The following PDE5A variants were observed in gnomAD, a reference collection of about 807,000 sequenced individuals.
PDE5A encodes the protein phosphodiesterase 5A, also known as cGMP-specific 3',5'-cyclic phosphodiesterase.
In PDE5A, 67 loss-of-function variants were observed where a neutral mutation model predicts 110.2. The ratio of observed to expected loss-of-function variants is 0.61; its 90% CI spans 0.50 to 0.75. The LOEUF is 0.75. Ranked by LOEUF, PDE5A falls within the 30% of genes least tolerant of loss-of-function variation. PDE5A has a pLI of 0.00. For missense variants in PDE5A, 862 were observed against 1,045.1 expected, an observed-to-expected ratio of 0.82 and a Z score of 2.42; for synonymous variants, 328 against 351.2, an observed-to-expected ratio of 0.93 and a Z score of 0.74.
Position 119,627,098 on chromosome 4 carries a change from C to G in PDE5A, c.152+1422G>C. ...CCACCACCCAGCACCCGAGACCCGCCGCGCCCCCGGAAAAAGTGGGAAGGG... is the reference window on the plus strand; with the variant it reads ...CCACCACCCAGCACCCGAGACCCGCGGCGCCCCCGGAAAAAGTGGGAAGGG... On this transcript the variant is annotated intron_variant, in intron 1 of 20. Transcript: ENST00000354960. The surrounding 1 kb of genome is among the most constrained non-coding windows in gnomAD (Gnocchi z 4.6). 6.2e-7 allele frequency: 1 copy of G among 1,606,728 alleles called. No homozygotes were observed.
intron 1 of PDE5A, among the ~76,000 whole-genome samples, chr4:119,625,101 C>T (rs1730297021): frequency 6.6e-6 from 1 of 151,558 alleles, no homozygotes; most frequent in East Asian, 1.9e-4. Context: ...ACCTCTGCCT[C>T]CCGGGTTCAA....
chr4:119,497,498 A>T lies in PDE5A; in HGVS notation c.*1103T>A, dbSNP rs201252767. ...CTCTGGATCTCAGTTGACTTGTCCT[A>T]TACATCAAAATATGGCAATTTTTCA... is the stretch of plus-strand genomic sequence containing the variant. On this transcript the variant is annotated 3_prime_UTR_variant, in exon 21 of 21. Coordinates refer to ENST00000354960, the MANE Select transcript of PDE5A (RefSeq NM_001083.4). The T allele has an allele frequency of 1.3e-5, 2 of 152,272 alleles. No homozygotes were observed. Among genetic ancestry groups the T allele is most frequent in the African/African-American group, 2.4e-5 (1 of 41,566 alleles). 9.4% of individuals were successfully genotyped at this position (152,272 alleles called of 1,614,324 possible).
At position 119,627,389 on chromosome 4, in the gene PDE5A, C is replaced by A. The variant is rs1479813520; in HGVS notation, c.152+1131G>T. On this transcript the variant is annotated intron_variant, in intron 1 of 20. Transcript: ENST00000354960. This position sits in a 1 kb window ranked among gnomAD's most constrained non-coding sequence, Gnocchi z 4.6. Reference sequence around the variant, plus strand: ...GGAGCGACCGGCAGAGCCGCGGCCGCGCGCCGGCGAGTGGGACCCGGGCGT... The same window carrying A: ...GGAGCGACCGGCAGAGCCGCGGCCGAGCGCCGGCGAGTGGGACCCGGGCGT... 7.2e-6 allele frequency: 6 copies of A among 835,740 alleles called. No individual in the cohort carries two copies. Among genetic ancestry groups the A allele is most frequent in the Non-Finnish European group, 8.7e-6 (6 of 692,152 alleles). The allele number at this position is 835,740 out of a possible 1,614,324, so 51.8% of individuals were successfully genotyped here.
chr4:119,579,450 CAAT>C (rs1182543822), intron 3 of PDE5A, among the ~76,000 whole-genome samples: 1 of 152,106 alleles, frequency 6.6e-6, no homozygotes, highest in Non-Finnish European at 1.5e-5. Context: ...AAATGTCCAA[CAAT>C]GATAGACTGG....
At chr4:119,504,298 T>C (rs1725480314) in intron 18 of PDE5A, among the ~76,000 whole-genome samples, 1 of 152,300 alleles carries the variant, frequency 6.6e-6, no homozygotes, top group Admixed American at 6.6e-5. Context: ...TTTTTATGCC[T>C]GCATAGTATT....
chr4:119,628,293 T>TG (rs1330407203), intron 1 of PDE5A, among the ~76,000 whole-genome samples: 1 of 151,086 alleles, frequency 6.6e-6, no homozygotes, highest in African/African-American at 2.4e-5. Context: ...GGGGTGAGGG[T>TG]GGGAGGTCGG....
intron 3 of PDE5A, among the ~76,000 whole-genome samples, chr4:119,569,117 T>A (rs1212098701): frequency 6.6e-6 from 1 of 151,816 alleles, no homozygotes; most frequent in Admixed American, 6.6e-5. Flanking sequence ...CACTGCAGGC[T>A]TGATCTTCGA....
At chr4:119,542,753 G>A (rs1052314141) in intron 9 of PDE5A, 119 bp from the exon 10 acceptor site, 17 of 853,296 alleles carry the variant, frequency 2.0e-5, no homozygotes, top group African/African-American at 6.8e-5. Flanking sequence ...TTAGTATGTC[G>A]AAATAAGCAA....
At chr4:119,528,472 A>G (rs1368596679) in intron 11 of PDE5A, among the ~76,000 whole-genome samples, 1 of 152,132 alleles carries the variant, frequency 6.6e-6, no homozygotes, top group African/African-American at 2.4e-5. Flanking sequence ...GCAGCTGACA[A>G]AATGCTAGAT....
At chr4:119,603,512 T>C (rs564664503) in intron 2 of PDE5A, among the ~76,000 whole-genome samples, 1 of 152,346 alleles carries the variant, frequency 6.6e-6, no homozygotes, top group East Asian at 1.9e-4. Context: ...CAACTAATCT[T>C]TTCATTGGTA....
intron 3 of PDE5A, among the ~76,000 whole-genome samples, chr4:119,579,818 T>G (rs1728521254): frequency 6.7e-6 from 1 of 149,028 alleles, no homozygotes; most frequent in Non-Finnish European, 1.5e-5. Flanking sequence ...TGTGCACATG[T>G]ACCCTAAAAC....
intron 3 of PDE5A, among the ~76,000 whole-genome samples, chr4:119,576,756 C>T (rs1250224925): frequency 6.6e-6 from 1 of 151,758 alleles, no homozygotes. Context: ...AAATTGACAC[C>T]CTAACACCAC....
intron 3 of PDE5A, among the ~76,000 whole-genome samples, chr4:119,581,368 T>C (rs938947709): frequency 6.6e-6 from 1 of 152,196 alleles, no homozygotes; most frequent in African/African-American, 2.4e-5. Context: ...GCTAACCACA[T>C]ATGTAGCCAC....
At chr4:119,617,384 G>A (rs560001297) in intron 1 of PDE5A, among the ~76,000 whole-genome samples, 49 of 151,956 alleles carry the variant, frequency 3.2e-4, no homozygotes, top group African/African-American at 1.0e-3. Flanking sequence ...ACACACACAC[G>A]CACACACGTG....
chr4:119,570,358 C>G (rs2110512072), intron 3 of PDE5A, among the ~76,000 whole-genome samples: 1 of 152,286 alleles, frequency 6.6e-6, no homozygotes, highest in Middle Eastern at 3.4e-3. Context: ...AGGCAGCACC[C>G]CTAAAAGCAT....
chr4:119,607,840 A>T (rs759556814), intron 1 of PDE5A, among the ~76,000 whole-genome samples: 1 of 152,240 alleles, frequency 6.6e-6, no homozygotes, highest in African/African-American at 2.4e-5. Context: ...AACTTTATAT[A>T]TCTGATTGCA....
intron 3 of PDE5A, 132 bp downstream of exon 3, chr4:119,596,391 A>G (rs1335902338): frequency 6.6e-6 from 3 of 456,210 alleles, no homozygotes; most frequent in East Asian, 6.9e-5. Flanking sequence ...AAAATCAAGC[A>G]GAACATTTAA....
intron 11 of PDE5A, among the ~76,000 whole-genome samples, chr4:119,529,466 G>A (rs1394019773): frequency 6.6e-6 from 1 of 152,020 alleles, no homozygotes; most frequent in Non-Finnish European, 1.5e-5. Flanking sequence ...ATTTGGTTTC[G>A]GCAATGAGGC....
In PDE5A at chr4:119,525,483, TTC is replaced by T; in HGVS notation, c.1779+64_1779+65del. On this transcript the variant is annotated intron_variant, in intron 12 of 20. Transcript: ENST00000354960. The surrounding 1 kb of genome is among the most constrained non-coding windows in gnomAD (Gnocchi z 4.3). ...ATTCCATATTTGCATTCAAAACCAA[TTC>T]TCTCTCTTACATACACACACACATA... 1 of 1,442,428 alleles carries T rather than the reference TTC, an allele frequency of 6.9e-7. No homozygotes were observed. The highest frequency in any genetic ancestry group is 9.4e-7 in the Non-Finnish European group (1 of 1,063,494). The allele number at this position is 1,442,428 out of a possible 1,614,324, so 89.4% of individuals were successfully genotyped here. A position where few individuals can be genotyped will look rare whatever the true frequency, so the allele number is the denominator to read the frequency against.
Sources: gnomAD v4.1 joint callset for allele counts (sites outside exome capture counted in the v4.1 genomes callset) on GRCh38, gnomAD v4.1.1 for gene constraint, Gnocchi (gnomAD v3.1) non-coding constraint, MANE v1.5 for transcripts, NCBI Gene and HGNC (gene_info 2026-07-23, HGNC 2026-07-21) for gene names.